Variants in RAB40B observed in about 807,000 individuals in gnomAD.
RAB40B encodes ras-related protein Rab-40B.
Under a neutral mutation model 24.0 loss-of-function variants are expected in RAB40B, and 21 were observed. The observed-to-expected ratio is 0.88, with a 90% confidence interval of 0.62 to 1.26. The LOEUF is 1.26. Among genes scored for constraint, RAB40B ranks in the 50% most tolerant of loss-of-function variants. RAB40B has a pLI of 0.00. For missense variants in RAB40B, 348 were observed against 390.5 expected, an observed-to-expected ratio of 0.89 and a Z score of 0.92; for synonymous variants, 167 against 169.8, an observed-to-expected ratio of 0.98 and a Z score of 0.13.
At chr17:82,660,352 T>TAC (rs147057391) in intron 3 of RAB40B, among the ~76,000 whole-genome samples, 144 of 148,282 alleles carry the variant, frequency 9.7e-4, no homozygotes, top group Non-Finnish European at 1.8e-3. Context: ...CACGCACGTG[T>TAC]ACACACACAC....
intron 1 of RAB40B, among the ~76,000 whole-genome samples, chr17:82,695,501 T>C (rs1161022231): frequency 6.7e-6 from 1 of 150,278 alleles, no homozygotes; most frequent in Non-Finnish European, 1.5e-5. Context: ...CCCTCACCTT[T>C]CAATAACAAG....
chr17:82,664,268 G>A lies in RAB40B; in HGVS notation c.203+228C>T, dbSNP rs561300660. Among the ~76,000 whole-genome samples the A allele has an allele frequency of 3.5e-5, 5 of 141,296 alleles. No individual in the cohort carries two copies. In the East Asian group the frequency reaches 1.1e-3, roughly 31 times the overall value. 92.7% of individuals were successfully genotyped at this position (141,296 alleles called of 152,430 possible). On this transcript the variant is annotated intron_variant, in intron 2 of 5. Transcript: ENST00000571995. ...TCCCTGGGGTGCTGGGCCGATGGTG[G>A]TGGGGGGAGGGTGCTCCCCGGGGTG...
Position 82,664,676 on chromosome 17 carries a change from C to T in RAB40B, c.143-120G>A, listed in dbSNP as rs544672988. 60 of 932,114 alleles carry T rather than the reference C, an allele frequency of 6.4e-5. No homozygotes were observed. The Admixed American group carries it at 6.8e-4, about 11-fold the overall frequency. The allele number at this position is 932,114 out of a possible 1,614,324, so 57.7% of individuals were successfully genotyped here. The stretch of plus-strand genomic sequence containing the variant: ...GCAACTTCCAGGTTTACAAGGCAGG[C>T]GGATGGGACCCCCTCCCTGTGTCTG... On this transcript the variant is annotated intron_variant, in intron 1 of 5. Coordinates refer to ENST00000571995, the MANE Select transcript of RAB40B (RefSeq NM_006822.3).
At chr17:82,672,299 G>A (rs113052368) in intron 1 of RAB40B, among the ~76,000 whole-genome samples, 2,325 of 4,170 alleles carry the variant, frequency 0.56, 632 homozygotes, top group Non-Finnish European at 0.64. Flanking sequence ...AAACTCACAC[G>A]CTCCCTGTAC....
intron 4 of RAB40B, chr17:82,659,185 C>T (rs916752170): frequency 1.1e-5 from 3 of 283,292 alleles, no homozygotes; most frequent in East Asian, 8.4e-5. Flanking sequence ...GACACTCATA[C>T]AGTGGGCTTA....
intron 1 of RAB40B, among the ~76,000 whole-genome samples, chr17:82,689,564 C>T (rs959527873): frequency 1.3e-5 from 2 of 152,168 alleles, no homozygotes; most frequent in African/African-American, 2.4e-5. Flanking sequence ...GAATTGAGGG[C>T]TTCTAATGGC....
intron 1 of RAB40B, among the ~76,000 whole-genome samples, chr17:82,665,123 C>T (rs1340485616): frequency 6.6e-6 from 1 of 152,196 alleles, no homozygotes; most frequent in Non-Finnish European, 1.5e-5. Flanking sequence ...TGTGCAGGGA[C>T]ACGGGACTGC....
chr17:82,659,651 T>A lies in RAB40B; in HGVS notation c.271A>T (p.Ile91Phe). The change falls in exon 4 of 6, where the codon ATC becomes TTC. Residue 91 changes from isoleucine (I) to phenylalanine (F), a missense_variant. This residue lies in a region of RAB40B where 126 missense variants were observed against 181.0 expected (regional missense o/e 0.70). Coordinates refer to ENST00000571995, the MANE Select transcript of RAB40B (RefSeq NM_006822.3). ...CGGTTCGCAATGTCATAGACCAGGA[T>A]CACACCCTGGGGGAGAGGTCACAGG... Reference protein sequence around the residue: ...RSYSRGAQGVILVYDIANRWS... With the variant: ...RSYSRGAQGVFLVYDIANRWS... 1 of 1,614,070 alleles carries A rather than the reference T, an allele frequency of 6.2e-7. No individual in the cohort carries two copies. Among genetic ancestry groups the A allele is most frequent in the Non-Finnish European group, 8.5e-7 (1 of 1,179,986 alleles).
intron 1 of RAB40B, among the ~76,000 whole-genome samples, chr17:82,672,194 TACTC>T (rs2046346733): frequency 6.8e-6 from 1 of 146,810 alleles, no homozygotes; most frequent in Non-Finnish European, 1.5e-5. Flanking sequence ...ATGCTCCCTG[TACTC>T]ACTGACACAC....
Position 82,659,571 on chromosome 17 carries a change from AC to A in RAB40B, c.342+8del, listed in dbSNP as rs777142831. ...AGGGATCTTGGGCAGTGGCATTTCT[AC>A]AACATACCTCATCGATCTCCTTAAT... On this transcript the variant is annotated splice_region_variant and intron_variant, in intron 4 of 5. Coordinates refer to ENST00000571995, the MANE Select transcript of RAB40B (RefSeq NM_006822.3). The A allele has an allele frequency of 6.2e-7, 1 of 1,613,850 alleles. No individual in the cohort carries two copies. The highest frequency in any genetic ancestry group is 8.5e-7 in the Non-Finnish European group (1 of 1,179,810).
rs762311117 is a variant in RAB40B at position 82,664,455 on chromosome 17, T to C, written c.203+41A>G. The C allele has an allele frequency of 1.2e-5, 19 of 1,596,806 alleles. 1 individual carries two copies. In the South Asian group the frequency reaches 2.1e-4, roughly 18 times the overall value. On this transcript the variant is annotated intron_variant, in intron 2 of 5. Transcript: ENST00000571995. ...GTGCTATGCCAGCCAGGGGGGTTAC[T>C]CCCTGGGGGTGCGGGACGCTCGCAC...
chr17:82,658,886 C>T (rs932703675), intron 4 of RAB40B, 173 bp from the exon 5 acceptor site: 10 of 610,474 alleles, frequency 1.6e-5, no homozygotes, highest in Admixed American at 8.9e-5. Flanking sequence ...AGTTACGGTG[C>T]GGCCGCACTG....
chr17:82,681,742 C>A (rs1042877492), intron 1 of RAB40B, among the ~76,000 whole-genome samples: 2 of 152,100 alleles, frequency 1.3e-5, no homozygotes, highest in Non-Finnish European at 2.9e-5. Context: ...GAAAATCTAT[C>A]AATGCAATTT....
At position 82,657,687 on chromosome 17, in the gene RAB40B, C is replaced by T. The variant is rs892925561; in HGVS notation, c.*176G>A. The T allele has an allele frequency of 7.6e-6, 6 of 793,156 alleles. No individual in the cohort carries two copies. The highest frequency in any genetic ancestry group is 1.7e-5 in the African/African-American group (1 of 59,432). 49.1% of individuals were successfully genotyped at this position (793,156 alleles called of 1,614,324 possible). Reference sequence around the variant, plus strand: ...AAAACAAGAGCTTCATGCACATCCACGTAGAAATTCGAAGTCCGACGGGGT... The same window carrying T: ...AAAACAAGAGCTTCATGCACATCCATGTAGAAATTCGAAGTCCGACGGGGT... On this transcript the variant is annotated 3_prime_UTR_variant, in exon 6 of 6. Transcript: ENST00000571995.
chr17:82,691,697 A>C (rs2046559693), intron 1 of RAB40B, among the ~76,000 whole-genome samples: 5 of 152,086 alleles, frequency 3.3e-5, no homozygotes, highest in Admixed American at 2.6e-4. Context: ...ACAACAACAA[A>C]AAAATGGGCA....
intron 1 of RAB40B, among the ~76,000 whole-genome samples, chr17:82,682,417 C>T (rs2046456626): frequency 6.6e-6 from 1 of 152,076 alleles, no homozygotes; most frequent in Non-Finnish European, 1.5e-5. Flanking sequence ...TCAAAGAAGA[C>T]CTAAATAAAT....
chr17:82,694,716 G>A (rs2143563074), intron 1 of RAB40B, among the ~76,000 whole-genome samples: 1 of 151,802 alleles, frequency 6.6e-6, no homozygotes, highest in East Asian at 1.9e-4. Context: ...GCCTCCACAT[G>A]GGGAAAAATC....
intron 1 of RAB40B, among the ~76,000 whole-genome samples, chr17:82,674,526 C>T (rs1174056720): frequency 2.0e-5 from 3 of 148,946 alleles, no homozygotes; most frequent in African/African-American, 7.4e-5. Flanking sequence ...GTAGTCCCAG[C>T]TACTCGGGAG....
At chr17:82,691,737 G>A (rs2046560081) in intron 1 of RAB40B, among the ~76,000 whole-genome samples, 1 of 152,146 alleles carries the variant, frequency 6.6e-6, no homozygotes, top group African/African-American at 2.4e-5. Flanking sequence ...CTCAGAGAAG[G>A]GACACAATCT....
Sources: gnomAD v4.1 joint callset for allele counts (sites outside exome capture counted in the v4.1 genomes callset) on GRCh38, gnomAD v4.1.1 for gene constraint, gnomAD v4.1.1 regional missense constraint, MANE v1.5 for transcripts, NCBI Gene and HGNC (gene_info 2026-07-23, HGNC 2026-07-21) for gene names.